Variants in C1orf52 observed in about 807,000 individuals in gnomAD.
C1orf52 encodes the protein chromosome 1 open reading frame 52.
In C1orf52, 5 loss-of-function variants were observed where a neutral mutation model predicts 17.2. The ratio of observed to expected loss-of-function variants is 0.29; its 90% CI spans 0.15 to 0.61. The LOEUF (loss-of-function observed/expected upper bound fraction) is 0.61. C1orf52 is among the 20% of genes least tolerant of loss of function. The probability of loss-of-function intolerance (pLI) is 0.85; values close to 1 mark genes in which losing one functional copy is unlikely to be tolerated. For missense variants in C1orf52, 245 were observed against 234.1 expected (o/e 1.05, Z -0.30); for synonymous variants, 110 against 88.0 (o/e 1.25, Z -1.40).
chr1:85,254,152 G>A (rs1357076621), intron 2 of C1orf52, among the ~76,000 whole-genome samples: 2 of 151,822 alleles, frequency 1.3e-5, no homozygotes, highest in African/African-American at 4.8e-5. Flanking sequence ...ATTTATTGAT[G>A]CAGATAACAA....
At position 85,258,938 on chromosome 1, in the gene C1orf52, A is replaced by G; in HGVS notation, c.277-216T>C. 4.3e-6 allele frequency: 6 copies of G among 1,404,972 alleles called. No homozygotes were observed. The South Asian group carries it at 8.0e-5, about 19-fold the overall frequency. 87.0% of individuals were successfully genotyped at this position (1,404,972 alleles called of 1,614,324 possible). ...AAAGCTAATAACTTTTAGTTACCAAAGAAGAATCCAGTCTCAGAGATACTA... is the reference window on the plus strand; with the variant it reads ...AAAGCTAATAACTTTTAGTTACCAAGGAAGAATCCAGTCTCAGAGATACTA... On this transcript the variant is annotated intron_variant, in intron 1 of 2. Transcript: ENST00000471115.
Position 85,252,644 on chromosome 1 carries a change from T to C in C1orf52, c.534A>G (p.Ala178=). Residue 178 remains alanine, a synonymous_variant, in exon 3 of 3, where the codon GCA becomes GCG. Coordinates refer to ENST00000471115, the MANE Select transcript of C1orf52 (RefSeq NM_198077.4). ...TCATTTGTTTCTACTTTTTCTTCTT[T>C]GCTGGTTCTCCTGGCTCTACTTTGC... ...KKRKVEPGEP[A]KKKK 1 of 1,613,558 alleles carries C rather than the reference T, an allele frequency of 6.2e-7. No individual in the cohort carries two copies.
chr1:85,251,003 A>C lies in C1orf52; in HGVS notation c.*1626T>G, dbSNP rs543330458. ...GCAGCTATAGAATTGGTTTTTCTAA[A>C]CTCGATGATATACTGGAAGCCATCA... On this transcript the variant is annotated 3_prime_UTR_variant, in exon 3 of 3. Transcript: ENST00000471115. The C allele has an allele frequency of 1.5e-4, 23 of 152,324 alleles. No individual in the cohort carries two copies. The South Asian group carries it at 4.8e-3, about 32-fold the overall frequency. 9.4% of individuals were successfully genotyped at this position (152,324 alleles called of 1,614,324 possible). A position where few individuals can be genotyped will look rare whatever the true frequency, so the allele number is the denominator to read the frequency against.
rs745592953 is a variant in C1orf52, at chr1:85,258,651, C to T, written c.348G>A (p.Lys116=). The part of the protein sequence containing the change: ...PPPETYTTEK[K]PPPPELDMAI... ...CCATGTCAAGCTCTGGAGGCGGAGG[C>T]TTCTTCTCAGTGGTGTAGGTCTCAG... The change falls in exon 2 of 3, where the codon AAG becomes AAA. Residue 116 remains lysine (K), a synonymous_variant. Coordinates refer to ENST00000471115, the MANE Select transcript of C1orf52 (RefSeq NM_198077.4). 1.9e-6 allele frequency: 3 copies of T among 1,613,886 alleles called. No individual in the cohort carries two copies. Among genetic ancestry groups the T allele is most frequent in the Admixed American group, 3.3e-5 (2 of 60,018 alleles).
rs1221075825 is a variant in C1orf52 at position 85,258,667 on chromosome 1, T to C, written c.332A>G (p.Tyr111Cys). 1.2e-6 allele frequency: 2 copies of C among 1,613,574 alleles called. No homozygotes were observed. The highest frequency in any genetic ancestry group is 2.7e-5 in the African/African-American group (2 of 74,888). ...AGGCGGAGGCTTCTTCTCAGTGGTG[T>C]AGGTCTCAGGAGGTGGTACATAATT... is the stretch of plus-strand genomic sequence containing the variant. ...KSNYVPPPETYTTEKKPPPPE... is the reference protein window; with the variant it reads ...KSNYVPPPETCTTEKKPPPPE... Residue 111 changes from tyrosine (Y) to cysteine (C), a missense_variant, in exon 2 of 3, where the codon TAC becomes TGC. Tyr to Cys is a radical substitution (Grantham distance 194). Transcript: ENST00000471115.
At position 85,259,614 on chromosome 1, in the gene C1orf52, T is replaced by C; in HGVS notation, c.20A>G (p.Asp7Gly). 1 of 1,565,174 alleles carries C rather than the reference T, an allele frequency of 6.4e-7. No individual in the cohort carries two copies. Among genetic ancestry groups the C allele is most frequent in the South Asian group, 1.2e-5 (1 of 85,702 alleles). The change falls in exon 1 of 3, where the codon GAC (aspartate) becomes GGC (glycine). Residue 7 changes from aspartate (D) to glycine (G), a missense_variant. Coordinates refer to ENST00000471115, the MANE Select transcript of C1orf52 (RefSeq NM_198077.4). MAAEEKDPLSYFAAYGS... is the reference protein window; with the variant it reads MAAEEKGPLSYFAAYGS... Reference sequence around the variant, plus strand: ...GTATGCCGCAAAATAGCTCAGAGGGTCCTTCTCCTCCGCTGCCATGACGGC... The same window carrying C: ...GTATGCCGCAAAATAGCTCAGAGGGCCCTTCTCCTCCGCTGCCATGACGGC...
chr1:85,257,528 A>G (rs1659973434), intron 2 of C1orf52: 1 of 708,810 alleles, frequency 1.4e-6, no homozygotes, highest in African/African-American at 1.8e-5. Context: ...TATTAATACA[A>G]GGCCTTGACT....
At chr1:85,256,347 T>C (rs1659936186) in intron 2 of C1orf52, among the ~76,000 whole-genome samples, 1 of 152,198 alleles carries the variant, frequency 6.6e-6, no homozygotes, top group African/African-American at 2.4e-5. Flanking sequence ...CTCGGAGTAA[T>C]AAATTAGAAA....
At chr1:85,255,280 G>A (rs773282933) in intron 2 of C1orf52, among the ~76,000 whole-genome samples, 14 of 152,214 alleles carry the variant, frequency 9.2e-5, no homozygotes, top group South Asian at 4.2e-4. Context: ...GGCAGGGTGC[G>A]GTGGCTCACA....
chr1:85,250,487 A>T lies in C1orf52; in HGVS notation c.*2142T>A, dbSNP rs1659775105. 1 of 152,190 alleles carries T rather than the reference A, an allele frequency of 6.6e-6. No homozygotes were observed. The highest frequency in any genetic ancestry group is 6.5e-5 in the Admixed American group (1 of 15,276). 9.4% of individuals were successfully genotyped at this position (152,190 alleles called of 1,614,324 possible). A position where few individuals can be genotyped will look rare whatever the true frequency, so the allele number is the denominator to read the frequency against. On this transcript the variant is annotated 3_prime_UTR_variant, in exon 3 of 3. Transcript: ENST00000471115. ...TCCCAGGACATCTCTAAAGGGGAAAATAATCTATTCTCTAATGTGATGATG... is the reference window on the plus strand; with the variant it reads ...TCCCAGGACATCTCTAAAGGGGAAATTAATCTATTCTCTAATGTGATGATG...
chr1:85,254,582 G>A (rs978034027), intron 2 of C1orf52, among the ~76,000 whole-genome samples: 27 of 152,110 alleles, frequency 1.8e-4, no homozygotes, highest in Middle Eastern at 3.4e-3. Context: ...TAGTAGAGAC[G>A]GGGTTTCACG....
chr1:85,258,046 G>C (rs918587210), intron 2 of C1orf52, among the ~76,000 whole-genome samples: 3 of 151,948 alleles, frequency 2.0e-5, no homozygotes, highest in African/African-American at 7.3e-5. Context: ...TTGAACCTGG[G>C]AGGTGGAGGT....
rs114999608 is a variant in C1orf52, at chr1:85,259,650, A to G, written c.-17T>C. On this transcript the variant is annotated 5_prime_UTR_variant, in exon 1 of 3. Coordinates refer to ENST00000471115, the MANE Select transcript of C1orf52 (RefSeq NM_198077.4). Reference sequence around the variant, plus strand: ...CGCTGCCATGACGGCTGCGAGCGACAACCCAGCACTCCGCCGGAAGCCGGA... The same window carrying G: ...CGCTGCCATGACGGCTGCGAGCGACGACCCAGCACTCCGCCGGAAGCCGGA... 897 of 1,516,134 alleles carry G rather than the reference A, an allele frequency of 5.9e-4. 5 individuals are homozygous for G. In the African/African-American group the frequency reaches 0.011, roughly 18 times the overall value. 93.9% of individuals were successfully genotyped at this position (1,516,134 alleles called of 1,614,324 possible).
chr1:85,255,728 T>C (rs536197459), intron 2 of C1orf52, among the ~76,000 whole-genome samples: 24 of 151,844 alleles, frequency 1.6e-4, no homozygotes, highest in African/African-American at 5.8e-4. Context: ...TGGGTAAGAG[T>C]GTAGAGTTTC....
Position 85,252,391 on chromosome 1 carries a change from GA to G in C1orf52, c.*237del, listed in dbSNP as rs1472785951. The G allele has an allele frequency of 4.6e-6, 2 of 438,336 alleles. No homozygotes were observed. The highest frequency in any genetic ancestry group is 4.1e-5 in the African/African-American group (2 of 48,630). The allele number at this position is 438,336 out of a possible 1,614,324, so 27.2% of individuals were successfully genotyped here. On this transcript the variant is annotated 3_prime_UTR_variant, in exon 3 of 3. Transcript: ENST00000471115. The stretch of plus-strand genomic sequence containing the variant: ...CATGTCACCAATTCTGTGAGAGCAA[GA>G]ATGCATCCAAGTGTTATCAATTTCA...
Position 85,251,337 on chromosome 1 carries a change from C to T in C1orf52, c.*1292G>A, listed in dbSNP as rs1482171732. The T allele has an allele frequency of 2.0e-5, 3 of 152,216 alleles. No individual in the cohort carries two copies. The highest frequency in any genetic ancestry group is 7.2e-5 in the African/African-American group (3 of 41,454). The allele number at this position is 152,216 out of a possible 1,614,324, so 9.4% of individuals were successfully genotyped here. A position where few individuals can be genotyped will look rare whatever the true frequency, so the allele number is the denominator to read the frequency against. On this transcript the variant is annotated 3_prime_UTR_variant, in exon 3 of 3. Transcript: ENST00000471115. Reference sequence around the variant, plus strand: ...AAGTGCTGGGATTACAAGCATAAGCCACCATGCTTGGCTGTCTTGTTCTTA... The same window carrying T: ...AAGTGCTGGGATTACAAGCATAAGCTACCATGCTTGGCTGTCTTGTTCTTA...
chr1:85,255,873 C>T (rs1260426664), intron 2 of C1orf52, among the ~76,000 whole-genome samples: 3 of 152,138 alleles, frequency 2.0e-5, no homozygotes, highest in African/African-American at 7.2e-5. Flanking sequence ...AATAAAGGAC[C>T]ATCATGTGAT....
intron 2 of C1orf52, among the ~76,000 whole-genome samples, chr1:85,256,627 G>A (rs796844281): frequency 1.3e-5 from 2 of 151,822 alleles, no homozygotes; most frequent in Admixed American, 1.3e-4. Flanking sequence ...GTGAAACCCC[G>A]TCTCTACTAA....
Position 85,252,709 on chromosome 1 carries a change from A to G in C1orf52, c.476-7T>C, listed in dbSNP as rs1244634472. 6.2e-7 allele frequency: 1 copy of G among 1,602,978 alleles called. No homozygotes were observed. Among genetic ancestry groups the G allele is most frequent in the Admixed American group, 1.7e-5 (1 of 59,572 alleles). ...TGCTCATCTTTTTCATCATCTTTAA[A>G]TAGAAAAGGAAGAGTTTCAATCAGT... On this transcript the variant is annotated splice_region_variant and splice_polypyrimidine_tract_variant and intron_variant, in intron 2 of 2. Transcript: ENST00000471115.
Sources: gnomAD v4.1 joint callset for allele counts (sites outside exome capture counted in the v4.1 genomes callset) on GRCh38, gnomAD v4.1.1 for gene constraint, MANE v1.5 for transcripts, NCBI Gene and HGNC (gene_info 2026-07-23, HGNC 2026-07-21) for gene names.